The following CKAP2 variants were observed in gnomAD, a reference collection of about 807,000 sequenced individuals.
CKAP2 encodes the protein cytoskeleton-associated protein 2.
In CKAP2, 46 loss-of-function variants were observed where a neutral mutation model predicts 58.4. That is an observed-to-expected ratio of 0.79 (90% CI 0.62 to 1.01). The LOEUF (loss-of-function observed/expected upper bound fraction) is 1.01. Ranked by LOEUF, CKAP2 falls within the 50% of genes least tolerant of loss-of-function variation. CKAP2 has a pLI of 0.00. For missense variants in CKAP2, 809 were observed against 796.4 expected (o/e 1.02, Z -0.19); for synonymous variants, 293 against 280.9 (o/e 1.04, Z -0.43).
intron 6 of CKAP2, among the ~76,000 whole-genome samples, chr13:52,467,472 T>G (rs939910464): frequency 4.6e-5 from 7 of 152,148 alleles, no homozygotes; most frequent in African/African-American, 7.2e-5. Flanking sequence ...ATCCCAGCAC[T>G]TTGGGAGGCC....
intron 7 of CKAP2, among the ~76,000 whole-genome samples, chr13:52,470,138 C>G (rs1343111001): frequency 6.8e-6 from 1 of 147,658 alleles, no homozygotes; most frequent in Non-Finnish European, 1.5e-5. Flanking sequence ...AAGAGTCTTG[C>G]TCTGTTGCCC....
rs1486470420 is a variant in CKAP2 at position 52,462,343 on chromosome 13, A to G, written c.1101-20A>G. 6.3e-7 allele frequency: 1 copy of G among 1,597,588 alleles called. No individual in the cohort carries two copies. The highest frequency in any genetic ancestry group is 8.5e-7 in the Non-Finnish European group (1 of 1,174,974). On this transcript the variant is annotated intron_variant, in intron 4 of 8. Coordinates refer to ENST00000258607, the MANE Select transcript of CKAP2 (RefSeq NM_018204.5). Reference sequence around the variant, plus strand: ...TGTCAGCAATTTCAAAGTAACGTTTATATCTGCTTCTAACTATAGAGCTCG... The same window carrying G: ...TGTCAGCAATTTCAAAGTAACGTTTGTATCTGCTTCTAACTATAGAGCTCG...
In CKAP2 at chr13:52,470,407, C is replaced by T. The variant is rs527604562; in HGVS notation, c.1546+2060C>T. Among the ~76,000 whole-genome samples the T allele has an allele frequency of 2.4e-3, 364 of 152,092 alleles. 1 individual carries two copies. Among genetic ancestry groups the T allele is most frequent in the Non-Finnish European group, 4.2e-3 (288 of 67,924 alleles). On this transcript the variant is annotated intron_variant, in intron 7 of 8. Transcript: ENST00000258607. ...GGTGTGAGCCACCGCACCCGGCCAA[C>T]AGTTTGAACTTTTAAAGTCTCCTGA...
intron 7 of CKAP2, among the ~76,000 whole-genome samples, chr13:52,470,447 T>C (rs1358811287): frequency 6.6e-6 from 1 of 152,124 alleles, no homozygotes; most frequent in African/African-American, 2.4e-5. Context: ...TGCTGCCAGA[T>C]TGCTTTCCAG....
chr13:52,466,867 G>A (rs1160976962), intron 6 of CKAP2, among the ~76,000 whole-genome samples: 2 of 152,126 alleles, frequency 1.3e-5, no homozygotes, highest in Non-Finnish European at 1.5e-5. Flanking sequence ...AAGCCGAGGC[G>A]GGAGGATCGT....
chr13:52,475,206 C>T lies in CKAP2; in HGVS notation c.*65C>T. The stretch of plus-strand genomic sequence containing the variant: ...TTGTGGGGTGTTTTGTTTTGAGTAG[C>T]TTTATATTGCTCTTAGGTCTGGAGT... On this transcript the variant is annotated 3_prime_UTR_variant, in exon 9 of 9. Coordinates refer to ENST00000258607, the MANE Select transcript of CKAP2 (RefSeq NM_018204.5). 11 of 1,567,220 alleles carry T rather than the reference C, an allele frequency of 7.0e-6. No individual in the cohort carries two copies. The highest frequency in any genetic ancestry group is 9.5e-6 in the Non-Finnish European group (11 of 1,156,636).
chr13:52,456,079 G>A, intron 1 of CKAP2: 1 of 1,020,358 alleles, frequency 9.8e-7, no homozygotes, highest in South Asian at 4.5e-5. Context: ...TCGACTTTAT[G>A]GAAACCGAGG....
At chr13:52,471,071 T>C (rs1326400063) in intron 7 of CKAP2, among the ~76,000 whole-genome samples, 1 of 151,772 alleles carries the variant, frequency 6.6e-6, no homozygotes, top group Admixed American at 6.6e-5. Flanking sequence ...GGCAGGAGAA[T>C]CTCTTGAACC....
At chr13:52,473,229 C>T (rs1178941659) in intron 7 of CKAP2, among the ~76,000 whole-genome samples, 1 of 152,096 alleles carries the variant, frequency 6.6e-6, no homozygotes, top group East Asian at 1.9e-4. Context: ...TTAATTATGT[C>T]TGTCTCTGGT....
chr13:52,462,466 G>A lies in CKAP2; in HGVS notation c.1204G>A (p.Val402Ile). ...GCCTGCAGGACAAAATGAAAAACCA[G>A]TTGGGTCTTTTTGGACTACCATGGC... is the stretch of plus-strand genomic sequence containing the variant. Reference protein sequence around the residue: ...HEPAGQNEKPVGSFWTTMAEE... With the variant: ...HEPAGQNEKPIGSFWTTMAEE... The change falls in exon 5 of 9, where the codon GTT (valine) becomes ATT (isoleucine). Residue 402 changes from valine to isoleucine, a missense_variant. Coordinates refer to ENST00000258607, the MANE Select transcript of CKAP2 (RefSeq NM_018204.5). 6.2e-7 allele frequency: 1 copy of A among 1,614,066 alleles called. No homozygotes were observed. The highest frequency in any genetic ancestry group is 1.3e-5 in the African/African-American group (1 of 75,052).
chr13:52,471,167 A>AT (rs1306771440), intron 7 of CKAP2, among the ~76,000 whole-genome samples: 2 of 152,020 alleles, frequency 1.3e-5, no homozygotes, highest in African/African-American at 2.4e-5. Flanking sequence ...AAAAAGAAAA[A>AT]TAAAAAAAAA....
intron 7 of CKAP2, among the ~76,000 whole-genome samples, chr13:52,470,446 A>AT (rs1958746831): frequency 6.6e-6 from 1 of 152,126 alleles, no homozygotes; most frequent in Admixed American, 6.5e-5. Context: ...ATGCTGCCAG[A>AT]TTGCTTTCCA....
At chr13:52,466,888 G>C (rs575828046) in intron 6 of CKAP2, among the ~76,000 whole-genome samples, 1 of 152,240 alleles carries the variant, frequency 6.6e-6, no homozygotes, top group South Asian at 2.1e-4. Flanking sequence ...TTGAGTCCAA[G>C]AGTTCAAGAC....
intron 5 of CKAP2, 98 bp from the exon 6 acceptor site, chr13:52,465,197 G>T: frequency 2.0e-6 from 2 of 1,008,548 alleles, no homozygotes; most frequent in South Asian, 1.6e-5. Flanking sequence ...TTATGCTTAG[G>T]GCTATCGTTA....
In CKAP2 at chr13:52,462,466, G is replaced by T; in HGVS notation, c.1204G>T (p.Val402Phe). The T allele has an allele frequency of 6.2e-7, 1 of 1,614,066 alleles. No individual in the cohort carries two copies. The highest frequency in any genetic ancestry group is 8.5e-7 in the Non-Finnish European group (1 of 1,179,974). ...HEPAGQNEKP[V>F]GSFWTTMAEE... The stretch of plus-strand genomic sequence containing the variant: ...GCCTGCAGGACAAAATGAAAAACCA[G>T]TTGGGTCTTTTTGGACTACCATGGC... Residue 402 changes from valine to phenylalanine, a missense_variant, in exon 5 of 9, where the codon GTT (valine) becomes TTT (phenylalanine). This residue lies in a region of CKAP2 where 523 missense variants were observed against 492.4 expected (regional missense o/e 1.06). Transcript: ENST00000258607.
At position 52,461,639 on chromosome 13, in the gene CKAP2, C is replaced by G. The variant is rs1426242524; in HGVS notation, c.813C>G (p.Ile271Met). The G allele has an allele frequency of 6.2e-7, 1 of 1,613,916 alleles. No individual in the cohort carries two copies. The highest frequency in any genetic ancestry group is 8.5e-7 in the Non-Finnish European group (1 of 1,179,934). ...SNTRDTVKQG[I>M]SRTSANVTIR... ...CCCGGGACACTGTGAAACAAGGCAT[C>G]AGTAGAACTTCTGCCAATGTTACAA... Residue 271 changes from isoleucine (I) to methionine (M), a missense_variant, in exon 4 of 9, where the codon ATC becomes ATG. Around this residue, in one of 3 missense-constraint regions of CKAP2, gnomAD observed 523 missense variants for 492.4 expected, o/e 1.06. Transcript: ENST00000258607.
intron 8 of CKAP2, 126 bp downstream of exon 8, chr13:52,474,210 G>GCGTGAGCCAC: frequency 1.0e-6 from 1 of 955,038 alleles, no homozygotes; most frequent in Non-Finnish European, 1.5e-6. Context: ...TTCAGTACGG[G>GCGTGAGCCAC]CATGGTGGCT....
At chr13:52,463,779 G>A (rs1215265053) in intron 5 of CKAP2, among the ~76,000 whole-genome samples, 1 of 152,162 alleles carries the variant, frequency 6.6e-6, no homozygotes, top group Admixed American at 6.5e-5. Context: ...TGCCTCATTA[G>A]CAATGGTTTT....
intron 7 of CKAP2, among the ~76,000 whole-genome samples, chr13:52,469,324 A>G (rs1414106201): frequency 3.3e-5 from 5 of 152,190 alleles, no homozygotes; most frequent in African/African-American, 9.6e-5. Context: ...GTCTGCCTTA[A>G]AATGAGGCAG....
Sources: gnomAD v4.1 joint callset for allele counts (sites outside exome capture counted in the v4.1 genomes callset) on GRCh38, gnomAD v4.1.1 for gene constraint, gnomAD v4.1.1 regional missense constraint, MANE v1.5 for transcripts, NCBI Gene and HGNC (gene_info 2026-07-23, HGNC 2026-07-21) for gene names.